Variants in FUBP3 observed in about 807,000 individuals in gnomAD.
The protein encoded by FUBP3 is far upstream element-binding protein 3.
A neutral mutation model predicts 85.6 loss-of-function variants in FUBP3; 28 were observed. The ratio of observed to expected loss-of-function variants is 0.33; its 90% CI spans 0.24 to 0.45. The LOEUF (loss-of-function observed/expected upper bound fraction) is 0.45. FUBP3 is among the 20% of genes least tolerant of loss of function. The probability of loss-of-function intolerance (pLI) is 1.00; values close to 1 mark genes in which losing one functional copy is unlikely to be tolerated. For missense variants in FUBP3, 583 were observed against 755.1 expected (o/e 0.77, Z 2.67); for synonymous variants, 271 against 271.4 (o/e 1.00, Z 0.01).
rs34850259 is a variant in FUBP3, at chr9:130,603,347, CAAAA to C, written c.191-6589_191-6586del. The stretch of plus-strand genomic sequence containing the variant: ...GGGCGACAGAGCAAGACTCTGTCTC[CAAAA>C]AAAAAAAAAAAAAAAAACAAATAGT... On this transcript the variant is annotated intron_variant, in intron 2 of 18. Transcript: ENST00000319725. 3.5e-3 allele frequency among the ~76,000 whole-genome samples: 293 copies of C among 83,818 alleles called. 1 individual carries two copies. Among genetic ancestry groups the C allele is most frequent in the African/African-American group, 0.014 (272 of 19,680 alleles). 55.0% of individuals were successfully genotyped at this position (83,818 alleles called of 152,430 possible).
chr9:130,626,201 T>A, intron 11 of FUBP3, 163 bp from the exon 12 acceptor site: 3 of 688,116 alleles, frequency 4.4e-6, no homozygotes, highest in Non-Finnish European at 7.2e-6. Flanking sequence ...TCGGTGTTAA[T>A]TCTGGCTTGA....
intron 2 of FUBP3, among the ~76,000 whole-genome samples, chr9:130,605,424 A>G (rs1460039815): frequency 6.6e-6 from 1 of 152,212 alleles, no homozygotes; most frequent in Non-Finnish European, 1.5e-5. Flanking sequence ...AAACCCACAA[A>G]ATTAAAGGAC....
At chr9:130,623,953 TATTTAAACC>T (rs1829863273) in intron 11 of FUBP3, among the ~76,000 whole-genome samples, 5 of 152,236 alleles carry the variant, frequency 3.3e-5, no homozygotes, top group Admixed American at 2.0e-4. Flanking sequence ...AGTTTCTGGC[TATTTAAACC>T]ATGTGGGGAA....
chr9:130,592,915 C>T (rs1190883386), intron 1 of FUBP3, among the ~76,000 whole-genome samples: 1 of 152,134 alleles, frequency 6.6e-6, no homozygotes. Flanking sequence ...GCCCATCAGC[C>T]TTCCTATAAA....
chr9:130,600,641 C>T (rs1057027412), intron 2 of FUBP3, among the ~76,000 whole-genome samples: 8 of 151,900 alleles, frequency 5.3e-5, no homozygotes, highest in African/African-American at 1.9e-4. Context: ...GACTGCACTG[C>T]ACCTGGCAAC....
intron 1 of FUBP3, among the ~76,000 whole-genome samples, chr9:130,592,766 ACTC>A (rs1401245707): frequency 1.3e-5 from 2 of 151,634 alleles, no homozygotes; most frequent in African/African-American, 4.8e-5. Flanking sequence ...CTGGTCTAGA[ACTC>A]CTGGCCTCAA....
chr9:130,635,743 C>G lies in FUBP3; in HGVS notation c.1583-256C>G. ...AGCTGAAGGGGCAGGCAGGGAGATG[C>G]AGAGAATGCGCTTCCGCAGAGAGAA... On this transcript the variant is annotated intron_variant, in intron 17 of 18. Transcript: ENST00000319725. The surrounding 1 kb of genome is among the most constrained non-coding windows in gnomAD (Gnocchi z 4.3). 3.1e-6 allele frequency: 1 copy of G among 319,562 alleles called. No individual in the cohort carries two copies. The highest frequency in any genetic ancestry group is 5.8e-6 in the Non-Finnish European group (1 of 172,808). 19.8% of individuals were successfully genotyped at this position (319,562 alleles called of 1,614,324 possible). A position where few individuals can be genotyped will look rare whatever the true frequency, so the allele number is the denominator to read the frequency against.
intron 1 of FUBP3, among the ~76,000 whole-genome samples, chr9:130,594,512 G>A (rs1216853777): frequency 6.6e-6 from 1 of 152,056 alleles, no homozygotes; most frequent in Non-Finnish European, 1.5e-5. Context: ...GAACCCAGGA[G>A]GCAGAGGTTA....
intron 3 of FUBP3, 98 bp downstream of exon 3, chr9:130,610,085 T>C: frequency 1.0e-6 from 1 of 1,002,980 alleles, no homozygotes. Flanking sequence ...AGGTTGAGAA[T>C]GTGAAAAAGC....
At position 130,632,174 on chromosome 9, in the gene FUBP3, G is replaced by A. The variant is rs373696544; in HGVS notation, c.1434-28G>A. 1.5e-4 allele frequency: 233 copies of A among 1,597,524 alleles called. 1 individual carries two copies. The highest frequency in any genetic ancestry group is 1.9e-4 in the Non-Finnish European group (218 of 1,165,156). On this transcript the variant is annotated intron_variant, in intron 15 of 18. Transcript: ENST00000319725. ...GACAGGGGTGACTTGCCCCCTATAG[G>A]AACGAGTGACCCTCTTGTTATCCAC... is the stretch of plus-strand genomic sequence containing the variant.
intron 12 of FUBP3, 106 bp from the exon 13 acceptor site, chr9:130,630,522 C>T (rs1353966736): frequency 1.1e-5 from 9 of 846,052 alleles, no homozygotes; most frequent in South Asian, 9.8e-5. Context: ...CAAGTGCCGA[C>T]GTGCACAAAA....
chr9:130,632,352 C>T (rs1259039637), intron 16 of FUBP3, 74 bp downstream of exon 16: 2 of 1,171,134 alleles, frequency 1.7e-6, no homozygotes, highest in African/African-American at 1.5e-5. Flanking sequence ...GGCCAAAACG[C>T]CCTCGTTCAA....
At chr9:130,631,739 G>C in intron 14 of FUBP3, 109 bp downstream of exon 14, 1 of 936,132 alleles carries the variant, frequency 1.1e-6, no homozygotes, top group East Asian at 2.6e-5. Context: ...GAAGTTCTGG[G>C]CGTGGGCAGG....
At chr9:130,607,300 T>C (rs1831509780) in intron 2 of FUBP3, among the ~76,000 whole-genome samples, 1 of 151,810 alleles carries the variant, frequency 6.6e-6, no homozygotes, top group African/African-American at 2.4e-5. Flanking sequence ...TTTTTAAGAT[T>C]ATTATTAAAA....
At position 130,579,749 on chromosome 9, in the gene FUBP3, G is replaced by T; in HGVS notation, c.69G>T (p.Leu23=). The change falls in exon 1 of 19, where the codon CTG becomes CTT. Residue 23 remains leucine, a synonymous_variant. Transcript: ENST00000319725. The part of the protein sequence containing the change: ...GMKAEGFVDA[L]HRVRQIAAKI... ...AGGCCGAGGGCTTCGTGGATGCCCT[G>T]CACCGGGTCCGGCAGGTACGGGCGC... 1 of 1,280,698 alleles carries T rather than the reference G, an allele frequency of 7.8e-7. No homozygotes were observed. The highest frequency in any genetic ancestry group is 3.4e-5 in the Admixed American group (1 of 29,382). The allele number at this position is 1,280,698 out of a possible 1,614,324, so 79.3% of individuals were successfully genotyped here. A position where few individuals can be genotyped will look rare whatever the true frequency, so the allele number is the denominator to read the frequency against.
intron 16 of FUBP3, among the ~76,000 whole-genome samples, chr9:130,632,911 C>T (rs1830271990): frequency 6.6e-6 from 1 of 152,274 alleles, no homozygotes; most frequent in African/African-American, 2.4e-5. Flanking sequence ...CAAAGCAAAG[C>T]AGAACCCTTA....
At chr9:130,620,310 TCAGGAA>T (rs1342434108) in intron 8 of FUBP3, 38 bp from the exon 9 acceptor site, 4 of 1,220,182 alleles carry the variant, frequency 3.3e-6, no homozygotes, top group Admixed American at 2.1e-5. Context: ...GTATCTTTTT[TCAGGAA>T]TTTTTTCTCA....
At chr9:130,606,650 G>A (rs548860950) in intron 2 of FUBP3, among the ~76,000 whole-genome samples, 26 of 152,110 alleles carry the variant, frequency 1.7e-4, no homozygotes, top group Non-Finnish European at 2.8e-4. Context: ...GAGAAACCCC[G>A]TCTCTACTAA....
intron 3 of FUBP3, among the ~76,000 whole-genome samples, chr9:130,611,396 AT>A (rs1831738136): frequency 6.6e-6 from 1 of 152,122 alleles, no homozygotes; most frequent in Non-Finnish European, 1.5e-5. Flanking sequence ...GAATTGCCTG[AT>A]TTGGGGAGAA....
Sources: gnomAD v4.1 joint callset for allele counts (sites outside exome capture counted in the v4.1 genomes callset) on GRCh38, gnomAD v4.1.1 for gene constraint, Gnocchi (gnomAD v3.1) non-coding constraint, MANE v1.5 for transcripts, NCBI Gene and HGNC (gene_info 2026-07-23, HGNC 2026-07-21) for gene names.